LMBRD1: variants seen among roughly 807,000 people sequenced by gnomAD.
The protein encoded by LMBRD1 is LMBR1 domain containing 1.
Under a neutral mutation model 74.8 loss-of-function variants are expected in LMBRD1, and 64 were observed. The observed-to-expected ratio is 0.86, with a 90% CI of 0.70 to 1.05. The LOEUF (loss-of-function observed/expected upper bound fraction) is 1.05, where lower values mean the gene tolerates loss of function less well. LMBRD1 is among the 50% of genes least tolerant of loss of function. LMBRD1 has a pLI of 0.00. For synonymous variants in LMBRD1, 204 were observed against 216.3 expected (o/e 0.94, Z 0.50); for missense variants, 652 against 645.9 (o/e 1.01, Z -0.10).
intron 2 of LMBRD1, 94 bp from the exon 3 acceptor site, chr6:69,780,648 AAATCTATCCACCCACATAAAAAC>A: frequency 1.1e-6 from 1 of 883,608 alleles, no homozygotes. Context: ...ATCACTTCCA[AAATCTATCCACCCACATAAAAAC>A]AATCTATGTC....
intron 5 of LMBRD1, among the ~76,000 whole-genome samples, chr6:69,748,985 T>G (rs1051481447): frequency 2.0e-5 from 3 of 152,010 alleles, no homozygotes; most frequent in Admixed American, 6.5e-5. Flanking sequence ...AAACGCAATA[T>G]AGTCAAAATT....
chr6:69,762,749 A>G (rs1252960424), intron 3 of LMBRD1, among the ~76,000 whole-genome samples: 3 of 152,116 alleles, frequency 2.0e-5, no homozygotes, highest in Non-Finnish European at 4.4e-5. Context: ...GTGTCCTTAG[A>G]AGAAGAGGAA....
intron 6 of LMBRD1, among the ~76,000 whole-genome samples, chr6:69,738,696 G>C (rs1767029765): frequency 6.6e-6 from 1 of 151,900 alleles, no homozygotes; most frequent in African/African-American, 2.4e-5. Context: ...TGAGGGGCAG[G>C]AATGACACTT....
chr6:69,695,384 T>C (rs2149841381), intron 14 of LMBRD1, among the ~76,000 whole-genome samples: 1 of 152,212 alleles, frequency 6.6e-6, no homozygotes, highest in South Asian at 2.1e-4. Flanking sequence ...ATAATGATTA[T>C]CCTGGGTTCC....
intron 2 of LMBRD1, among the ~76,000 whole-genome samples, chr6:69,784,086 T>C (rs1024029837): frequency 6.6e-6 from 1 of 152,240 alleles, no homozygotes; most frequent in African/African-American, 2.4e-5. Context: ...TCCAAGATAC[T>C]TGATGTATTG....
intron 2 of LMBRD1, among the ~76,000 whole-genome samples, chr6:69,786,983 GCA>G (rs1236358799): frequency 6.6e-6 from 1 of 152,140 alleles, no homozygotes; most frequent in African/African-American, 2.4e-5. Flanking sequence ...AATTTCAAAT[GCA>G]CACTGTAAAT....
At chr6:69,787,458 G>A (rs1765978955) in intron 2 of LMBRD1, among the ~76,000 whole-genome samples, 1 of 152,130 alleles carries the variant, frequency 6.6e-6, no homozygotes, top group South Asian at 2.1e-4. Flanking sequence ...ATGAAAAGTA[G>A]GAAAGGCCAG....
intron 7 of LMBRD1, among the ~76,000 whole-genome samples, chr6:69,727,074 T>G (rs2149861827): frequency 6.6e-6 from 1 of 152,122 alleles, no homozygotes; most frequent in Non-Finnish European, 1.5e-5. Context: ...AGACGGAATT[T>G]CTTGAACCCG....
At chr6:69,787,572 C>G (rs1025425111) in intron 2 of LMBRD1, among the ~76,000 whole-genome samples, 6 of 152,072 alleles carry the variant, frequency 3.9e-5, no homozygotes, top group African/African-American at 1.4e-4. Flanking sequence ...TGGTGAAACC[C>G]CATCTCTACT....
chr6:69,744,848 C>CT (rs200677579), intron 5 of LMBRD1, among the ~76,000 whole-genome samples: 274 of 145,640 alleles, frequency 1.9e-3, no homozygotes, highest in South Asian at 7.2e-3. Flanking sequence ...TGCTGTAACT[C>CT]TTTTTTTTTT....
intron 4 of LMBRD1, among the ~76,000 whole-genome samples, chr6:69,750,926 C>A (rs1021853018): frequency 6.6e-6 from 1 of 152,092 alleles, no homozygotes; most frequent in Non-Finnish European, 1.5e-5. Context: ...CATGATTAAG[C>A]ATGATGCTAG....
rs2305837 is a variant in LMBRD1, at chr6:69,713,847, A to G, written c.763-50T>C. On this transcript the variant is annotated intron_variant, in intron 8 of 15. Coordinates refer to ENST00000649934, the MANE Select transcript of LMBRD1 (RefSeq NM_018368.4). ...AGTTTTACCATTAACATCTTAATAAAGTACCCAGCAGATTTAGCAGATCAG... is the reference window on the plus strand; with the variant it reads ...AGTTTTACCATTAACATCTTAATAAGGTACCCAGCAGATTTAGCAGATCAG... 634,364 of 1,599,284 alleles carry G rather than the reference A, an allele frequency of 0.4. 127,984 individuals are homozygous for G. Among genetic ancestry groups the G allele is most frequent in the East Asian group, 0.55 (24,366 of 44,670 alleles).
intron 14 of LMBRD1, among the ~76,000 whole-genome samples, chr6:69,683,804 G>A (rs1416436075): frequency 6.6e-6 from 1 of 152,052 alleles, no homozygotes; most frequent in Non-Finnish European, 1.5e-5. Flanking sequence ...GAGAATGGAA[G>A]TAGAACCATC....
intron 7 of LMBRD1, 150 bp from the exon 8 acceptor site, chr6:69,719,231 A>G: frequency 1.5e-6 from 1 of 662,988 alleles, no homozygotes; most frequent in Non-Finnish European, 2.6e-6. Flanking sequence ...AGTGAACATT[A>G]TATTGTCTCA....
Position 69,676,291 on chromosome 6 carries a change from ATG to A in LMBRD1, c.1510-22_1510-21del. ...AAATACCTGTAAATTTAAATAAGCC[ATG>A]TGTTATTTTTCAAATTTAAAATCAT... On this transcript the variant is annotated intron_variant, in intron 15 of 15. Coordinates refer to ENST00000649934, the MANE Select transcript of LMBRD1 (RefSeq NM_018368.4). The A allele has an allele frequency of 6.2e-7, 1 of 1,608,794 alleles. No homozygotes were observed. The highest frequency in any genetic ancestry group is 8.5e-7 in the Non-Finnish European group (1 of 1,176,604).
intron 14 of LMBRD1, among the ~76,000 whole-genome samples, chr6:69,687,923 G>A (rs1260055558): frequency 6.6e-6 from 1 of 151,902 alleles, no homozygotes; most frequent in Non-Finnish European, 1.5e-5. Context: ...TCCTGAAGAG[G>A]GTTATGTTCT....
intron 1 of LMBRD1, among the ~76,000 whole-genome samples, chr6:69,792,759 CAA>C (rs758361787): frequency 4.3e-4 from 65 of 152,136 alleles, no homozygotes; most frequent in Non-Finnish European, 8.5e-4. Flanking sequence ...GTACTTGACA[CAA>C]AGTGTTCCAA....
At chr6:69,790,649 C>T in intron 1 of LMBRD1, 177 bp from the exon 2 acceptor site, 1 of 638,190 alleles carries the variant, frequency 1.6e-6, no homozygotes, top group Admixed American at 2.4e-5. Context: ...TCAAAGCCTA[C>T]TTCATGAATG....
At chr6:69,765,643 A>C (rs1765461856) in intron 3 of LMBRD1, among the ~76,000 whole-genome samples, 1 of 152,142 alleles carries the variant, frequency 6.6e-6, no homozygotes, top group African/African-American at 2.4e-5. Flanking sequence ...GTTTTTCAAA[A>C]ATATTTTTAA....
Sources: gnomAD v4.1 joint callset for allele counts (sites outside exome capture counted in the v4.1 genomes callset) on GRCh38, gnomAD v4.1.1 for gene constraint, MANE v1.5 for transcripts, NCBI Gene and HGNC (gene_info 2026-07-23, HGNC 2026-07-21) for gene names.